The following SPAG16 variants were observed in gnomAD, a reference collection of about 807,000 sequenced individuals.
SPAG16 encodes the protein sperm associated antigen 16.
A neutral mutation model predicts 80.4 loss-of-function variants in SPAG16; 86 were observed. The observed-to-expected ratio is 1.07, with a 90% CI of 0.90 to 1.28. The LOEUF is 1.28. Ranked by LOEUF, SPAG16 falls within the 50% of genes most tolerant of loss-of-function variation. The pLI is 0.00. For synonymous variants in SPAG16, 294 were observed against 265.9 expected (o/e 1.11, Z -1.03); for missense variants, 870 against 765.3 (o/e 1.14, Z -1.61).
intron 11 of SPAG16, among the ~76,000 whole-genome samples, chr2:213,867,784 C>T (rs542344800): frequency 1.3e-5 from 2 of 151,610 alleles, no homozygotes; most frequent in African/African-American, 4.8e-5. Flanking sequence ...AATAGCCGGG[C>T]GTGGTGGCGG....
rs575157401 is a variant in SPAG16, at chr2:214,060,616, A to G, written c.1527+46539A>G. On this transcript the variant is annotated intron_variant, in intron 13 of 15. Coordinates refer to ENST00000331683, the MANE Select transcript of SPAG16 (RefSeq NM_024532.5). The stretch of plus-strand genomic sequence containing the variant: ...ACACTCTCTTAGAAAACAAAATGAC[A>G]TGTAAAGAGAGAGGTTTTCTTTGTT... 2.3e-3 allele frequency among the ~76,000 whole-genome samples: 353 copies of G among 152,302 alleles called. 1 individual carries two copies. Among genetic ancestry groups the G allele is most frequent in the African/African-American group, 8.2e-3 (342 of 41,572 alleles).
At chr2:213,342,327 G>A (rs1484026670) in intron 6 of SPAG16, among the ~76,000 whole-genome samples, 1,327 of 99,892 alleles carry the variant, frequency 0.013, 23 homozygotes, top group African/African-American at 0.039. Context: ...TTACATATAT[G>A]TGTATATATA....
At chr2:213,845,847 G>A (rs1382265334) in intron 10 of SPAG16, among the ~76,000 whole-genome samples, 1 of 152,084 alleles carries the variant, frequency 6.6e-6, no homozygotes, top group African/African-American at 2.4e-5. Context: ...CAGCTGGTTT[G>A]GTTTGAGGTG....
At chr2:213,708,879 C>T (rs1356645946) in intron 10 of SPAG16, among the ~76,000 whole-genome samples, 1 of 152,126 alleles carries the variant, frequency 6.6e-6, no homozygotes, top group African/African-American at 2.4e-5. Context: ...GTTCATGTCC[C>T]ATCTTACTGG....
At position 213,441,035 on chromosome 2, in the gene SPAG16, G is replaced by A. The variant is rs561520221; in HGVS notation, c.943-48928G>A. ...TTTATAGAATTTTCATGTATTATAG[G>A]TGGATGAATAAATTGGCATAATTAG... On this transcript the variant is annotated intron_variant, in intron 9 of 15. Coordinates refer to ENST00000331683, the MANE Select transcript of SPAG16 (RefSeq NM_024532.5). Among the ~76,000 whole-genome samples the A allele has an allele frequency of 2.6e-5, 4 of 152,300 alleles. No homozygotes were observed. In the South Asian group the frequency reaches 6.2e-4, roughly 24 times the overall value.
In SPAG16 at chr2:213,852,545, C is replaced by T. The variant is rs1204749609; in HGVS notation, c.1071-9940C>T. 2.0e-5 allele frequency among the ~76,000 whole-genome samples: 3 copies of T among 152,222 alleles called. No homozygotes were observed. In the South Asian group the frequency reaches 6.2e-4, roughly 32 times the overall value. On this transcript the variant is annotated intron_variant, in intron 10 of 15. Transcript: ENST00000331683. Reference sequence around the variant, plus strand: ...TTCCTTCTGTCCCTTGAGTGCACCACCTCCTTGCAGCCTTAGCACTTTTGC... The same window carrying T: ...TTCCTTCTGTCCCTTGAGTGCACCATCTCCTTGCAGCCTTAGCACTTTTGC...
chr2:213,612,793 C>T (rs1163786320), intron 10 of SPAG16, among the ~76,000 whole-genome samples: 1 of 152,136 alleles, frequency 6.6e-6, no homozygotes, highest in Non-Finnish European at 1.5e-5. Context: ...AAGCGATTCT[C>T]CTGCCTTAGC....
intron 10 of SPAG16, among the ~76,000 whole-genome samples, chr2:213,678,192 C>T (rs942248915): frequency 6.6e-6 from 1 of 152,074 alleles, no homozygotes; most frequent in Non-Finnish European, 1.5e-5. Context: ...GACACCCTAA[C>T]ATCACAATTA....
intron 15 of SPAG16, among the ~76,000 whole-genome samples, chr2:214,189,833 C>T (rs1445416819): frequency 6.6e-6 from 1 of 151,660 alleles, no homozygotes; most frequent in Non-Finnish European, 1.5e-5. Context: ...GCTTCTTTAC[C>T]AAAAACTGAG....
chr2:213,430,054 A>G (rs1575570718), intron 9 of SPAG16, among the ~76,000 whole-genome samples: 1 of 152,226 alleles, frequency 6.6e-6, no homozygotes, highest in Admixed American at 6.5e-5. Context: ...AAGATCAATG[A>G]GTTGCAAGAG....
chr2:214,280,818 A>G, intron 15 of SPAG16: 1 of 449,416 alleles, frequency 2.2e-6, no homozygotes, highest in Non-Finnish European at 4.3e-6. Flanking sequence ...CATCTCCTCC[A>G]TGTCTAGAGT....
chr2:213,381,788 A>T (rs1299329353), intron 9 of SPAG16, among the ~76,000 whole-genome samples: 1 of 152,188 alleles, frequency 6.6e-6, no homozygotes, highest in Non-Finnish European at 1.5e-5. Context: ...TTCCAACCTT[A>T]TTCTTTTATA....
At chr2:213,823,068 A>G (rs893479094) in intron 10 of SPAG16, among the ~76,000 whole-genome samples, 1 of 152,180 alleles carries the variant, frequency 6.6e-6, no homozygotes, top group Non-Finnish European at 1.5e-5. Context: ...AGAATGATTT[A>G]TATTCCTTTG....
intron 12 of SPAG16, among the ~76,000 whole-genome samples, chr2:213,982,056 A>C (rs1559655779): frequency 1.3e-5 from 2 of 151,842 alleles, no homozygotes; most frequent in Non-Finnish European, 2.9e-5. Context: ...TATATGTTAT[A>C]GATGAACTGT....
At chr2:213,498,644 G>A (rs1457695980) in intron 10 of SPAG16, among the ~76,000 whole-genome samples, 3 of 152,030 alleles carry the variant, frequency 2.0e-5, no homozygotes, top group Admixed American at 6.5e-5. Flanking sequence ...TGCATGTCTT[G>A]TGAGCACCTC....
At chr2:214,119,151 T>C (rs1197512304) in intron 14 of SPAG16, among the ~76,000 whole-genome samples, 1 of 152,094 alleles carries the variant, frequency 6.6e-6, no homozygotes, top group Non-Finnish European at 1.5e-5. Context: ...CAGAAACAGA[T>C]AGGCAATAAA....
At chr2:214,256,001 G>A (rs1690660022) in intron 15 of SPAG16, among the ~76,000 whole-genome samples, 1 of 151,916 alleles carries the variant, frequency 6.6e-6, no homozygotes, top group South Asian at 2.1e-4. Flanking sequence ...CTGTCATAGG[G>A]CAGGTATAGG....
intron 9 of SPAG16, among the ~76,000 whole-genome samples, chr2:213,447,385 G>A (rs2071394381): frequency 6.6e-6 from 1 of 152,180 alleles, no homozygotes; most frequent in Non-Finnish European, 1.5e-5. Flanking sequence ...TGCAAGTATG[G>A]GAAGGGGAAA....
chr2:213,497,348 C>A (rs2074537830), intron 10 of SPAG16, among the ~76,000 whole-genome samples: 1 of 151,742 alleles, frequency 6.6e-6, no homozygotes, highest in Non-Finnish European at 1.5e-5. Context: ...GTCTTTAGAG[C>A]CATTGCATGT....
Sources: allele counts gnomAD v4.1 joint callset (sites outside exome capture counted in the v4.1 genomes callset), GRCh38; gene constraint gnomAD v4.1.1; transcripts MANE v1.5; gene names NCBI Gene and HGNC (gene_info 2026-07-23, HGNC 2026-07-21).